GRM5: variants seen among roughly 807,000 people sequenced by gnomAD.
GRM5 encodes the protein metabotropic glutamate receptor 5.
In GRM5, 19 loss-of-function variants were observed where a neutral mutation model predicts 83.1. The ratio of observed to expected loss-of-function variants is 0.23; its 90% CI spans 0.16 to 0.34. GRM5 has a LOEUF of 0.34. GRM5 is among the 10% of genes least tolerant of loss of function. The probability of loss-of-function intolerance (pLI) is 1.00; values close to 1 mark genes in which losing one functional copy is unlikely to be tolerated. For missense variants in GRM5, 1,160 were observed against 1,588.3 expected, an observed-to-expected ratio of 0.73 and a Z score of 4.58; for synonymous variants, 675 against 633.6, an observed-to-expected ratio of 1.07 and a Z score of -0.98.
chr11:88,588,709 C>T lies in GRM5; in HGVS notation c.1690+1892G>A, dbSNP rs139387267. Among the ~76,000 whole-genome samples the T allele has an allele frequency of 7.3e-3, 1,115 of 152,206 alleles. 10 individuals carry two copies. The highest frequency in any genetic ancestry group is 0.026 in the African/African-American group (1,077 of 41,542). ...ACCACAAATTTAAATTACGACCTCT[C>T]GGATATTTCCATGTTTTTATTCCTG... On this transcript the variant is annotated intron_variant, in intron 7 of 9. Transcript: ENST00000305447.
chr11:88,883,590 A>G (rs589675), intron 2 of GRM5, among the ~76,000 whole-genome samples: 114,662 of 152,074 alleles, frequency 0.75, 44,009 homozygotes, highest in East Asian at 0.99. Context: ...AGAAATTCAA[A>G]CCAGCTGAAG....
intron 2 of GRM5, among the ~76,000 whole-genome samples, chr11:88,852,952 C>T (rs1944412134): frequency 6.6e-6 from 1 of 151,976 alleles, no homozygotes; most frequent in African/African-American, 2.4e-5. Context: ...GAACACATTT[C>T]AAGTAATATG....
Position 88,638,250 on chromosome 11 carries a change from A to G in GRM5, c.1147+14918T>C, listed in dbSNP as rs540689370. Among the ~76,000 whole-genome samples, 602 of 151,876 alleles carry G rather than the reference A, an allele frequency of 4.0e-3. 3 individuals are homozygous for G. The highest frequency in any genetic ancestry group is 0.014 in the African/African-American group (586 of 41,448). On this transcript the variant is annotated intron_variant, in intron 4 of 9. Transcript: ENST00000305447. ...CAGCACACCAGCATGGCACATGTAT[A>G]CATATGTAACTAACCTGTACATTGT...
rs534043514 is a variant in GRM5 at position 88,797,069 on chromosome 11, T to C, written c.911+52837A>G. On this transcript the variant is annotated intron_variant, in intron 3 of 9. Transcript: ENST00000305447. The stretch of plus-strand genomic sequence containing the variant: ...ATTAGTTTCAGAGACTGTACAAACA[T>C]TGATATCATCTCTGCAAAATCTAGG... 2.2e-3 allele frequency among the ~76,000 whole-genome samples: 329 copies of C among 152,264 alleles called. 3 individuals are homozygous for C. The highest frequency in any genetic ancestry group is 7.3e-3 in the African/African-American group (305 of 41,570).
intron 3 of GRM5, among the ~76,000 whole-genome samples, chr11:88,812,952 C>G (rs1171504135): frequency 6.6e-6 from 1 of 152,064 alleles, no homozygotes; most frequent in Non-Finnish European, 1.5e-5. Context: ...TATTTTATAG[C>G]TTTTCTCACC....
chr11:88,863,827 C>G (rs1160864862), intron 2 of GRM5, among the ~76,000 whole-genome samples: 1 of 151,690 alleles, frequency 6.6e-6, no homozygotes, highest in Non-Finnish European at 1.5e-5. Context: ...CCTAGATGAG[C>G]TGGTTCCAGC....
At chr11:88,843,786 G>A (rs919261369) in intron 3 of GRM5, among the ~76,000 whole-genome samples, 3 of 152,182 alleles carry the variant, frequency 2.0e-5, no homozygotes, top group African/African-American at 7.2e-5. Context: ...CAGCCTTATT[G>A]CTGATGTGGA....
chr11:89,019,898 G>T (rs192277658), intron 2 of GRM5, among the ~76,000 whole-genome samples: 1 of 152,224 alleles, frequency 6.6e-6, no homozygotes, highest in East Asian at 1.9e-4. Flanking sequence ...ATGTGACATG[G>T]CTCTGGAGGC....
chr11:88,508,954 G>T lies in GRM5; in HGVS notation c.3277C>A (p.Leu1093Ile). 1 of 1,593,406 alleles carries T rather than the reference G, an allele frequency of 6.3e-7. No homozygotes were observed. The highest frequency in any genetic ancestry group is 1.3e-5 in the African/African-American group (1 of 74,634). ...TTGGGGATCAGGTAGGACGAGCAGA[G>T]CGGGGCGCCGACGCCGGGGCTGGGG... ...AAPSPGVGAP[L>I]CSSYLIPKEI... is the part of the protein sequence containing the mutation. The change falls in exon 10 of 10, where the codon CTC (leucine) becomes ATC (isoleucine). Residue 1093 changes from leucine (L) to isoleucine (I), a missense_variant. Physicochemically the swap from Leu to Ile is conservative, Grantham distance 5. This residue lies in a region of GRM5 where 562 missense variants were observed against 532.4 expected (regional missense o/e 1.06). Coordinates refer to ENST00000305447, the MANE Select transcript of GRM5 (RefSeq NM_001143831.3). The surrounding 1 kb of genome is among the most constrained non-coding windows in gnomAD (Gnocchi z 4.2).
chr11:88,861,270 C>T (rs1944557091), intron 2 of GRM5, among the ~76,000 whole-genome samples: 1 of 152,056 alleles, frequency 6.6e-6, no homozygotes, highest in African/African-American at 2.4e-5. Context: ...TCACTGCCTG[C>T]CTTTTCCTGA....
chr11:89,004,358 ATTGACAT>A (rs1239339032), intron 2 of GRM5, among the ~76,000 whole-genome samples: 1 of 152,212 alleles, frequency 6.6e-6, no homozygotes, highest in African/African-American at 2.4e-5. Flanking sequence ...AGTCTCTAAT[ATTGACAT>A]TTATATGCTG....
intron 3 of GRM5, among the ~76,000 whole-genome samples, chr11:88,805,415 C>G (rs1350211133): frequency 6.6e-6 from 1 of 152,138 alleles, no homozygotes; most frequent in Non-Finnish European, 1.5e-5. Context: ...TGGTCTCAAT[C>G]TCTTGACCTT....
chr11:88,585,534 C>T (rs1943296153), intron 7 of GRM5, among the ~76,000 whole-genome samples: 1 of 152,144 alleles, frequency 6.6e-6, no homozygotes, highest in African/African-American at 2.4e-5. Context: ...TCATTTCTCC[C>T]TTATACTCTC....
intron 7 of GRM5, among the ~76,000 whole-genome samples, chr11:88,570,700 C>T (rs577095973): frequency 2.0e-4 from 30 of 149,122 alleles, no homozygotes; most frequent in Admixed American, 1.1e-3. Flanking sequence ...GTGCCTCAGC[C>T]GCCTGAGCTG....
At chr11:88,738,271 A>G (rs1393022057) in intron 3 of GRM5, among the ~76,000 whole-genome samples, 2 of 152,098 alleles carry the variant, frequency 1.3e-5, no homozygotes, top group Non-Finnish European at 2.9e-5. Context: ...TGTGCAATAA[A>G]TAAATATTTA....
intron 1 of GRM5, among the ~76,000 whole-genome samples, chr11:89,064,441 A>G (rs1411877288): frequency 6.6e-6 from 1 of 152,166 alleles, no homozygotes; most frequent in African/African-American, 2.4e-5. Flanking sequence ...ACTCATTTCC[A>G]CAGACCTCTC....
At chr11:88,702,814 T>G (rs1467641019) in intron 3 of GRM5, among the ~76,000 whole-genome samples, 1 of 152,056 alleles carries the variant, frequency 6.6e-6, no homozygotes, top group East Asian at 1.9e-4. Flanking sequence ...AGGGGCACCA[T>G]GCACAGAGGG....
chr11:88,832,605 G>GA lies in GRM5; in HGVS notation c.911+17300dup, dbSNP rs560891472. 4.7e-3 allele frequency among the ~76,000 whole-genome samples: 697 copies of GA among 149,388 alleles called. 4 individuals carry two copies. The highest frequency in any genetic ancestry group is 0.016 in the African/African-American group (640 of 40,770). Reference sequence around the variant, plus strand: ...ACCAATAATATTCTTCACAGAAAAAGAAAAAAAAATCTTAAAATTTATATG... The same window carrying GA: ...ACCAATAATATTCTTCACAGAAAAAGAAAAAAAAAATCTTAAAATTTATATG... On this transcript the variant is annotated intron_variant, in intron 3 of 9. Transcript: ENST00000305447.
Position 89,065,786 on chromosome 11 carries a change from C to A in GRM5, c.-211G>T, listed in dbSNP as rs1325802621. ...AGGCGCTGTGCTTACCAGGTGCGCGCCCTGAGCCTTGCGCCCCCAGGCAGC... is the reference window on the plus strand; with the variant it reads ...AGGCGCTGTGCTTACCAGGTGCGCGACCTGAGCCTTGCGCCCCCAGGCAGC... On this transcript the variant is annotated 5_prime_UTR_variant, in exon 1 of 10. Coordinates refer to ENST00000305447, the MANE Select transcript of GRM5 (RefSeq NM_001143831.3). The A allele has an allele frequency of 1.3e-5, 2 of 152,270 alleles. No individual in the cohort carries two copies. The highest frequency in any genetic ancestry group is 2.4e-5 in the African/African-American group (1 of 41,464). 9.4% of individuals were successfully genotyped at this position (152,270 alleles called of 1,614,324 possible).
Sources: gnomAD v4.1 joint callset for allele counts (sites outside exome capture counted in the v4.1 genomes callset) on GRCh38, gnomAD v4.1.1 for gene constraint, gnomAD v4.1.1 regional missense constraint, Gnocchi (gnomAD v3.1) non-coding constraint, MANE v1.5 for transcripts, NCBI Gene and HGNC (gene_info 2026-07-23, HGNC 2026-07-21) for gene names.